The following NCAM1 variants were observed in gnomAD, a reference collection of about 807,000 sequenced individuals.
NCAM1 encodes neural cell adhesion molecule 1, also known as antigen recognized by monoclonal antibody 5.1H11.
NCAM1 carries 14 observed loss-of-function variants against 109.8 expected under a neutral mutation model. The ratio of observed to expected loss-of-function variants is 0.13; its 90% CI spans 0.08 to 0.20. NCAM1 has a LOEUF of 0.20. Ranked by LOEUF, NCAM1 falls within the 10% of genes least tolerant of loss-of-function variation. The probability of loss-of-function intolerance (pLI) is 1.00; values close to 1 mark genes in which losing one functional copy is unlikely to be tolerated. For missense variants in NCAM1, 774 were observed against 1,109.9 expected, an observed-to-expected ratio of 0.70 and a Z score of 4.30; for synonymous variants, 418 against 442.9, an observed-to-expected ratio of 0.94 and a Z score of 0.70.
chr11:113,191,343 A>T (rs1474236225), intron 1 of NCAM1, among the ~76,000 whole-genome samples: 1 of 152,194 alleles, frequency 6.6e-6, no homozygotes, highest in Non-Finnish European at 1.5e-5. Context: ...TTCCCTGTTT[A>T]AACTTAGTAT....
At chr11:113,152,074 T>A (rs533590367) in intron 1 of NCAM1, among the ~76,000 whole-genome samples, 1 of 152,140 alleles carries the variant, frequency 6.6e-6, no homozygotes, top group Non-Finnish European at 1.5e-5. Flanking sequence ...CAGAAAAATA[T>A]AAGAAATGGT....
chr11:113,240,580 C>T (rs1269896918), intron 14 of NCAM1: 4 of 579,042 alleles, frequency 6.9e-6, no homozygotes, highest in Non-Finnish European at 1.2e-5. Flanking sequence ...TTGGCAGGTG[C>T]ACAGTCTCAA....
chr11:113,216,146 A>ATTTTT lies in NCAM1; in HGVS notation c.1059+1653_1059+1657dup, dbSNP rs34687568. On this transcript the variant is annotated intron_variant, in intron 8 of 19. Coordinates refer to ENST00000316851, the MANE Select transcript of NCAM1 (RefSeq NM_181351.5). ...ACTTCTGGCTTGTAGCTATGATTTC[A>ATTTTT]TTTTTTTTTTTTTTTTTTTTTTGAG... 7.1e-4 allele frequency among the ~76,000 whole-genome samples: 72 copies of ATTTTT among 101,498 alleles called. 2 individuals are homozygous for ATTTTT. The highest frequency in any genetic ancestry group is 5.7e-3 in the Middle Eastern group (1 of 174). 66.6% of individuals were successfully genotyped at this position (101,498 alleles called of 152,430 possible).
intron 1 of NCAM1, among the ~76,000 whole-genome samples, chr11:113,094,898 C>T (rs1433628427): frequency 6.6e-6 from 1 of 152,130 alleles, no homozygotes; most frequent in Non-Finnish European, 1.5e-5. Context: ...AATATTAAAT[C>T]ATATTTATTT....
At chr11:113,258,515 C>T (rs1054637832) in intron 16 of NCAM1, among the ~76,000 whole-genome samples, 8 of 152,036 alleles carry the variant, frequency 5.3e-5, no homozygotes, top group Non-Finnish European at 1.2e-4. Context: ...GAGGAGAAGA[C>T]AAAGAGAGAT....
intron 1 of NCAM1, among the ~76,000 whole-genome samples, chr11:113,079,924 G>A (rs782416157): frequency 3.3e-5 from 5 of 152,264 alleles, no homozygotes; most frequent in East Asian, 1.9e-4. Context: ...AATGGTCTTC[G>A]TTCTTTGGAA....
intron 1 of NCAM1, among the ~76,000 whole-genome samples, chr11:113,024,986 A>T (rs935908243): frequency 1.8e-4 from 28 of 152,242 alleles, no homozygotes; most frequent in African/African-American, 6.5e-4. Flanking sequence ...GTTTGAACCA[A>T]TGTTGAAATA....
chr11:113,197,532 G>T (rs1402127748), intron 1 of NCAM1, among the ~76,000 whole-genome samples: 5 of 152,150 alleles, frequency 3.3e-5, no homozygotes, highest in African/African-American at 1.2e-4. Flanking sequence ...AGTCACTGAT[G>T]ATATTTATCC....
chr11:113,165,275 C>T (rs191573235), intron 1 of NCAM1, among the ~76,000 whole-genome samples: 284 of 152,286 alleles, frequency 1.9e-3, no homozygotes, highest in African/African-American at 6.4e-3. Context: ...ACCCCATCCA[C>T]TTAGATGAAT....
intron 1 of NCAM1, among the ~76,000 whole-genome samples, chr11:113,008,310 A>C (rs1012198740): frequency 6.6e-6 from 1 of 152,198 alleles, no homozygotes; most frequent in African/African-American, 2.4e-5. Flanking sequence ...CAGGGGTCAC[A>C]TGGCCATTTC....
intron 1 of NCAM1, among the ~76,000 whole-genome samples, chr11:112,971,904 C>T (rs1190295476): frequency 6.6e-6 from 1 of 151,972 alleles, no homozygotes; most frequent in African/African-American, 2.4e-5. Context: ...TTAAAGAAAC[C>T]CAACTGTGGT....
In NCAM1 at chr11:113,231,682, G is replaced by A. The variant is rs1365370895; in HGVS notation, c.1127G>A (p.Arg376His). The change falls in exon 10 of 20, where the codon CGT becomes CAT. Residue 376 changes from arginine (R) to histidine (H), a missense_variant. Coordinates refer to ENST00000316851, the MANE Select transcript of NCAM1 (RefSeq NM_181351.5). The part of the protein sequence containing the change: ...DGHMVVRSHA[R>H]VSSLTLKSIQ... ...CACATGGTGGTGCGTAGCCATGCCCGTGTGTCGTCGCTGACCCTGAAGAGC... is the reference window on the plus strand; with the variant it reads ...CACATGGTGGTGCGTAGCCATGCCCATGTGTCGTCGCTGACCCTGAAGAGC... 49 of 1,607,878 alleles carry A rather than the reference G, an allele frequency of 3.0e-5. No homozygotes were observed. The highest frequency in any genetic ancestry group is 3.7e-5 in the Non-Finnish European group (43 of 1,176,518).
Position 113,207,390 on chromosome 11 carries a change from G to GCTCATA in NCAM1, c.746+14_746+19dup. On this transcript the variant is annotated intron_variant, in intron 6 of 19. Transcript: ENST00000316851. ...ATGAGCTGGACAAAGTAAGAAACTG[G>GCTCATA]CTCATACCTTTTATCATGGACTAGA... is the stretch of plus-strand genomic sequence containing the variant. 6.2e-7 allele frequency: 1 copy of GCTCATA among 1,600,218 alleles called. No homozygotes were observed. The highest frequency in any genetic ancestry group is 1.1e-5 in the South Asian group (1 of 90,736).
Position 113,091,804 on chromosome 11 carries a change from G to A in NCAM1, c.53-110575G>A, listed in dbSNP as rs73568737. Among the ~76,000 whole-genome samples the A allele has an allele frequency of 4.9e-3, 749 of 152,282 alleles. 4 individuals carry two copies. Among genetic ancestry groups the A allele is most frequent in the African/African-American group, 0.017 (698 of 41,560 alleles). ...AAATTAGGTGGCTTGCCTAATAGTC[G>A]TGAAGGCGGATGAGAATTCAAATGT... is the stretch of plus-strand genomic sequence containing the variant. On this transcript the variant is annotated intron_variant, in intron 1 of 19. Transcript: ENST00000316851.
intron 1 of NCAM1, among the ~76,000 whole-genome samples, chr11:113,109,119 T>C (rs183627152): frequency 0.071 from 10,694 of 151,046 alleles, 734 homozygotes; most frequent in Admixed American, 0.17. Flanking sequence ...AGGCCAAGGC[T>C]GGTGGATCAC....
rs781852393 is a variant in NCAM1, at chr11:112,961,557, G to GC, written c.-56_-55insC. ...AGCCGCCGTCCACACTCGCTGCAGG[G>GC]GGGGGGGCACAGAATTTACCGCGGC... On this transcript the variant is annotated 5_prime_UTR_variant, in exon 1 of 20. Coordinates refer to ENST00000316851, the MANE Select transcript of NCAM1 (RefSeq NM_181351.5). 1.2e-5 allele frequency: 13 copies of GC among 1,120,924 alleles called. No individual in the cohort carries two copies. Among genetic ancestry groups the GC allele is most frequent in the Admixed American group, 3.4e-5 (2 of 59,188 alleles). The allele number at this position is 1,120,924 out of a possible 1,614,324, so 69.4% of individuals were successfully genotyped here. A position where few individuals can be genotyped will look rare whatever the true frequency, so the allele number is the denominator to read the frequency against.
At position 113,220,737 on chromosome 11, in the gene NCAM1, G is replaced by C. The variant is rs186331819; in HGVS notation, c.1060-559G>C. ...TTCTCCTGCCCCAGCCTCCCGAATAGCTGGGACTACAGGCGCCTGCCACCA... is the reference window on the plus strand; with the variant it reads ...TTCTCCTGCCCCAGCCTCCCGAATACCTGGGACTACAGGCGCCTGCCACCA... On this transcript the variant is annotated intron_variant, in intron 8 of 19. Coordinates refer to ENST00000316851, the MANE Select transcript of NCAM1 (RefSeq NM_181351.5). 8.3e-3 allele frequency among the ~76,000 whole-genome samples: 1,252 copies of C among 150,870 alleles called. 17 individuals carry two copies. Among genetic ancestry groups the C allele is most frequent in the African/African-American group, 0.029 (1,200 of 40,858 alleles).
chr11:113,024,674 A>G (rs1373117637), intron 1 of NCAM1, among the ~76,000 whole-genome samples: 1 of 152,190 alleles, frequency 6.6e-6, no homozygotes, highest in Non-Finnish European at 1.5e-5. Flanking sequence ...GGGATTATGA[A>G]ACTTCAGACT....
At chr11:113,087,963 A>T (rs1419434318) in intron 1 of NCAM1, among the ~76,000 whole-genome samples, 3 of 152,182 alleles carry the variant, frequency 2.0e-5, no homozygotes, top group African/African-American at 7.2e-5. Flanking sequence ...TGTTCTTTTC[A>T]GGTGTCATAG....
Sources: allele counts gnomAD v4.1 joint callset (sites outside exome capture counted in the v4.1 genomes callset), GRCh38; gene constraint gnomAD v4.1.1; transcripts MANE v1.5; gene names NCBI Gene and HGNC (gene_info 2026-07-23, HGNC 2026-07-21).